The following FAM20C variants were observed in gnomAD, a reference collection of about 807,000 sequenced individuals.
FAM20C encodes the protein extracellular serine/threonine protein kinase FAM20C.
Under a neutral mutation model 51.5 loss-of-function variants are expected in FAM20C, and 40 were observed. That is an observed-to-expected ratio of 0.78 (90% CI 0.60 to 1.01). FAM20C has a LOEUF of 1.01. FAM20C is among the 50% of genes least tolerant of loss of function. The probability of loss-of-function intolerance (pLI) is 0.00; values close to 1 mark genes in which losing one functional copy is unlikely to be tolerated. For missense variants in FAM20C, 861 were observed against 844.7 expected (o/e 1.02, Z -0.24); for synonymous variants, 406 against 380.6 (o/e 1.07, Z -0.78).
chr7:227,549 G>C (rs1787493049), intron 3 of FAM20C: 1 of 136,126 alleles, frequency 7.3e-6, no homozygotes, highest in South Asian at 2.6e-4. Context: ...ATTTAATCCT[G>C]GTTTAGTAGT....
At chr7:208,068 C>G (rs1039243079) in intron 2 of FAM20C, among the ~76,000 whole-genome samples, 6 of 152,224 alleles carry the variant, frequency 3.9e-5, no homozygotes, top group Non-Finnish European at 7.3e-5. Flanking sequence ...AGTCACCCTG[C>G]TCAGGTTGCT....
At chr7:244,559 G>A (rs1788072619) in intron 3 of FAM20C, among the ~76,000 whole-genome samples, 1 of 152,224 alleles carries the variant, frequency 6.6e-6, no homozygotes, top group East Asian at 1.9e-4. Flanking sequence ...GCTCTGCAGG[G>A]CGACCCTGGC....
intron 2 of FAM20C, among the ~76,000 whole-genome samples, chr7:207,438 C>T (rs115927676): frequency 6.7e-6 from 1 of 149,274 alleles, no homozygotes; most frequent in Non-Finnish European, 1.5e-5. Flanking sequence ...GCTTCCTCTG[C>T]TGGGTCATGC....
chr7:220,516 G>T (rs938850485), intron 3 of FAM20C, among the ~76,000 whole-genome samples: 4 of 152,218 alleles, frequency 2.6e-5, no homozygotes, highest in Non-Finnish European at 4.4e-5. Flanking sequence ...CTTGGTGAAG[G>T]GGGCGTTGTT....
At chr7:195,384 A>G in intron 1 of FAM20C, 170 bp from the exon 2 acceptor site, 2 of 513,916 alleles carry the variant, frequency 3.9e-6, no homozygotes, top group Admixed American at 8.2e-5. Flanking sequence ...GAGCGGCCAC[A>G]GAAGAAAGCG....
chr7:194,067 G>C, intron 1 of FAM20C: 1 of 467,746 alleles, frequency 2.1e-6, no homozygotes, highest in Non-Finnish European at 3.7e-6. Context: ...CTTTAGAAGC[G>C]AGTCCTGACC....
intron 3 of FAM20C, among the ~76,000 whole-genome samples, chr7:226,107 G>C (rs567312134): frequency 6.6e-6 from 1 of 152,298 alleles, no homozygotes; most frequent in Admixed American, 6.5e-5. Flanking sequence ...GGGCTCACCT[G>C]ACCTGCTAGG....
chr7:259,762 C>A lies in FAM20C; in HGVS notation c.1537C>A (p.Leu513Ile), dbSNP rs949233662. The part of the protein sequence containing the change: ...IRKSTYLRLQ[L>I]LAKEEYKLSL... The stretch of plus-strand genomic sequence containing the variant: ...GAAGTCCACCTACCTGCGTCTGCAG[C>A]TCCTGGCCAAGGAGGAGTACAAGCT... The change falls in exon 10 of 10, where the codon CTC becomes ATC. Residue 513 changes from leucine (L) to isoleucine (I), a missense_variant. This residue lies in a region of FAM20C where 269 missense variants were observed against 283.8 expected (regional missense o/e 0.95). Transcript: ENST00000313766. 37 of 1,536,478 alleles carry A rather than the reference C, an allele frequency of 2.4e-5. No homozygotes were observed. Among genetic ancestry groups the A allele is most frequent in the Non-Finnish European group, 3.1e-5 (36 of 1,146,648 alleles).
chr7:209,031 A>G (rs1306673097), intron 3 of FAM20C, 55 bp downstream of exon 3: 6 of 1,531,824 alleles, frequency 3.9e-6, no homozygotes, highest in African/African-American at 1.4e-5. Flanking sequence ...GCAGGCGAGC[A>G]GGCGCCGGGC....
chr7:216,174 GA>G (rs747157507), intron 3 of FAM20C, among the ~76,000 whole-genome samples: 15 of 3,380 alleles, frequency 4.4e-3, no homozygotes, highest in Admixed American at 0.031. Context: ...GGTGTATGGA[GA>G]GGATGGAGCT....
At chr7:259,155 G>A (rs1000414800) in intron 9 of FAM20C, among the ~76,000 whole-genome samples, 23 of 152,250 alleles carry the variant, frequency 1.5e-4, no homozygotes, top group East Asian at 1.9e-4. Context: ...CACAGCGCCC[G>A]TGTTGTGCGG....
chr7:200,259 C>G (rs774288403), intron 2 of FAM20C, among the ~76,000 whole-genome samples: 4 of 149,620 alleles, frequency 2.7e-5, no homozygotes, highest in African/African-American at 9.8e-5. Context: ...CTGCAGGTCA[C>G]GGTCCCAGGG....
At chr7:208,851 G>C (rs770303196) in intron 2 of FAM20C, 47 bp from the exon 3 acceptor site, 3 of 1,539,826 alleles carry the variant, frequency 1.9e-6, no homozygotes, top group Non-Finnish European at 2.6e-6. Flanking sequence ...GAGAAGAAGG[G>C]GCGTGAGGCC....
chr7:252,206 C>T lies in FAM20C; in HGVS notation c.1073-3643C>T, dbSNP rs553994256. On this transcript the variant is annotated intron_variant, in intron 5 of 9. Transcript: ENST00000313766. ...GCTGAGCCCACTGTAGACACCCCCT[C>T]GGCCTCCCGACCAAGGATGCCAGGT... is the stretch of plus-strand genomic sequence containing the variant. Among the ~76,000 whole-genome samples the T allele has an allele frequency of 2.0e-3, 304 of 151,548 alleles. 5 individuals are homozygous for T. The highest frequency in any genetic ancestry group is 6.7e-3 in the African/African-American group (278 of 41,270).
At chr7:252,686 T>C (rs1218630503) in intron 5 of FAM20C, among the ~76,000 whole-genome samples, 4 of 152,118 alleles carry the variant, frequency 2.6e-5, no homozygotes, top group Non-Finnish European at 5.9e-5. Flanking sequence ...TCGGGGAAGG[T>C]GGGCTCTGGG....
At chr7:205,703 C>T (rs1341908201) in intron 2 of FAM20C, among the ~76,000 whole-genome samples, 1 of 152,142 alleles carries the variant, frequency 6.6e-6, no homozygotes, top group Admixed American at 6.5e-5. Flanking sequence ...GGGCCAGTAC[C>T]AGCTCCTCCC....
At chr7:259,686 A>C in intron 9 of FAM20C, 45 bp from the exon 10 acceptor site, 1 of 1,483,500 alleles carries the variant, frequency 6.7e-7, no homozygotes. Flanking sequence ...GTGGGCAGGC[A>C]TCTCCCCTGT....
At chr7:258,186 C>T (rs1198523741) in intron 8 of FAM20C, among the ~76,000 whole-genome samples, 13 of 99,666 alleles carry the variant, frequency 1.3e-4, no homozygotes, top group African/African-American at 5.5e-4. Context: ...GCCTGAGGTG[C>T]TGGAGATAGG....
chr7:198,049 C>A (rs1252085047), intron 2 of FAM20C, among the ~76,000 whole-genome samples: 1 of 152,216 alleles, frequency 6.6e-6, no homozygotes, highest in East Asian at 1.9e-4. Flanking sequence ...TGGTTAATTC[C>A]TGTGCCTACT....
Sources: allele counts gnomAD v4.1 joint callset (sites outside exome capture counted in the v4.1 genomes callset), GRCh38; gene constraint gnomAD v4.1.1; regional missense constraint gnomAD v4.1.1; transcripts MANE v1.5; gene names NCBI Gene and HGNC (gene_info 2026-07-23, HGNC 2026-07-21).